NKAIN2: variants seen among roughly 807,000 people sequenced by gnomAD.
NKAIN2 encodes sodium/potassium-transporting ATPase subunit beta-1-interacting protein 2.
A neutral mutation model predicts 32.6 loss-of-function variants in NKAIN2; 14 were observed. That is an observed-to-expected ratio of 0.43 (90% confidence interval 0.28 to 0.67). The LOEUF is 0.67. Among genes scored for constraint, NKAIN2 ranks in the 30% least tolerant of loss-of-function variants. The probability of loss-of-function intolerance (pLI) is 0.17; values close to 1 mark genes in which losing one functional copy is unlikely to be tolerated. For synonymous variants in NKAIN2, 80 were observed against 87.2 expected (o/e 0.92, Z 0.46); for missense variants, 198 against 258.3 (o/e 0.77, Z 1.60).
chr6:123,890,375 C>T (rs561277121), intron 1 of NKAIN2, among the ~76,000 whole-genome samples: 1 of 151,980 alleles, frequency 6.6e-6, no homozygotes, highest in South Asian at 2.1e-4. Context: ...AAAAGGACAT[C>T]TTTCAAGTCC....
chr6:124,459,238 T>C (rs1776437238), intron 3 of NKAIN2, among the ~76,000 whole-genome samples: 1 of 151,874 alleles, frequency 6.6e-6, no homozygotes, highest in South Asian at 2.1e-4. Flanking sequence ...TAAAGTCCTA[T>C]GTTGGCAATT....
intron 3 of NKAIN2, among the ~76,000 whole-genome samples, chr6:124,457,453 G>A (rs1269345793): frequency 2.0e-5 from 3 of 152,030 alleles, no homozygotes; most frequent in South Asian, 2.1e-4. Context: ...GTGAATCTAC[G>A]TGTGTGATAC....
At chr6:124,106,533 A>AT (rs1785129119) in intron 1 of NKAIN2, among the ~76,000 whole-genome samples, 1 of 152,208 alleles carries the variant, frequency 6.6e-6, no homozygotes, top group African/African-American at 2.4e-5. Flanking sequence ...TCTTACTTGG[A>AT]TAAAAACTTA....
At chr6:124,398,368 G>A (rs1773489082) in intron 3 of NKAIN2, among the ~76,000 whole-genome samples, 1 of 151,186 alleles carries the variant, frequency 6.6e-6, no homozygotes, top group African/African-American at 2.4e-5. Context: ...GGGCTGAGAC[G>A]ATGGCAGGAT....
At chr6:124,559,237 A>G (rs1425166668) in intron 3 of NKAIN2, among the ~76,000 whole-genome samples, 2 of 152,202 alleles carry the variant, frequency 1.3e-5, no homozygotes, top group African/African-American at 2.4e-5. Context: ...CTCTGCCTTC[A>G]TGGATAATAT....
At position 124,446,403 on chromosome 6, in the gene NKAIN2, C is replaced by T. The variant is rs372023934; in HGVS notation, c.273+91056C>T. 2.2e-3 allele frequency among the ~76,000 whole-genome samples: 328 copies of T among 152,074 alleles called. 1 individual carries two copies. The highest frequency in any genetic ancestry group is 7.1e-3 in the African/African-American group (296 of 41,464). On this transcript the variant is annotated intron_variant, in intron 3 of 6. Transcript: ENST00000368417. ...TGTTGCCCAGGCTGGAGTGCAGTGA[C>T]GTGATCTCAGCTCACCACAGCCTCG...
intron 3 of NKAIN2, among the ~76,000 whole-genome samples, chr6:124,470,349 A>G (rs1776924174): frequency 6.6e-6 from 1 of 152,122 alleles, no homozygotes. Context: ...GGGTGGTGAC[A>G]TGATCAGCTC....
At chr6:124,287,847 A>C (rs140968180) in intron 2 of NKAIN2, among the ~76,000 whole-genome samples, 1 of 152,298 alleles carries the variant, frequency 6.6e-6, no homozygotes, top group East Asian at 1.9e-4. Context: ...TATCTAAAAT[A>C]ATCTGAGGAA....
intron 2 of NKAIN2, among the ~76,000 whole-genome samples, chr6:124,298,612 C>A (rs1336200839): frequency 2.6e-5 from 4 of 152,002 alleles, no homozygotes; most frequent in Non-Finnish European, 5.9e-5. Context: ...GATGATAATG[C>A]CACACACATT....
chr6:124,575,710 A>G (rs376094307), intron 3 of NKAIN2, among the ~76,000 whole-genome samples: 7 of 152,122 alleles, frequency 4.6e-5, no homozygotes, highest in Non-Finnish European at 7.4e-5. Context: ...TTCCTTGGCT[A>G]TATTTTTTTT....
chr6:124,619,198 A>AG (rs1456770231), intron 3 of NKAIN2, among the ~76,000 whole-genome samples: 1 of 152,162 alleles, frequency 6.6e-6, no homozygotes, highest in Non-Finnish European at 1.5e-5. Context: ...ATGTGATTTC[A>AG]GGGGGAAAAA....
intron 1 of NKAIN2, among the ~76,000 whole-genome samples, chr6:124,216,975 C>T (rs942144682): frequency 8.5e-5 from 13 of 152,048 alleles, no homozygotes; most frequent in Non-Finnish European, 8.8e-5. Flanking sequence ...CTGTATATTA[C>T]ACCATTTGGC....
chr6:124,311,458 C>G (rs762747501), intron 2 of NKAIN2, among the ~76,000 whole-genome samples: 1 of 152,018 alleles, frequency 6.6e-6, no homozygotes, highest in Non-Finnish European at 1.5e-5. Flanking sequence ...TGCTTCTGGG[C>G]CACCCTGAAA....
At chr6:123,887,709 T>C (rs1394364449) in intron 1 of NKAIN2, among the ~76,000 whole-genome samples, 1 of 152,126 alleles carries the variant, frequency 6.6e-6, no homozygotes, top group Non-Finnish European at 1.5e-5. Context: ...ACATCAGAAG[T>C]CCAGAAAATT....
intron 1 of NKAIN2, among the ~76,000 whole-genome samples, chr6:123,907,746 A>G (rs570526946): frequency 2.0e-5 from 3 of 152,128 alleles, no homozygotes; most frequent in Non-Finnish European, 2.9e-5. Flanking sequence ...TTGCTTTGAG[A>G]CATTTTAAAA....
intron 4 of NKAIN2, among the ~76,000 whole-genome samples, chr6:124,713,228 AT>A (rs1775588666): frequency 6.6e-6 from 1 of 152,190 alleles, no homozygotes. Flanking sequence ...ACAAGATTAA[AT>A]TCTTTGTACC....
At chr6:124,380,616 A>G (rs139073220) in intron 3 of NKAIN2, among the ~76,000 whole-genome samples, 84 of 152,306 alleles carry the variant, frequency 5.5e-4, no homozygotes, top group African/African-American at 1.9e-3. Flanking sequence ...AAGAAGTCTC[A>G]TCTGGAAACT....
At chr6:124,180,277 G>A (rs1166516031) in intron 1 of NKAIN2, among the ~76,000 whole-genome samples, 1 of 152,080 alleles carries the variant, frequency 6.6e-6, no homozygotes, top group Non-Finnish European at 1.5e-5. Flanking sequence ...CACATGGCTG[G>A]GAAGACTCAT....
At chr6:124,721,957 C>A (rs1295947539) in intron 4 of NKAIN2, among the ~76,000 whole-genome samples, 3 of 152,044 alleles carry the variant, frequency 2.0e-5, no homozygotes, top group Non-Finnish European at 4.4e-5. Context: ...AATTCTATGC[C>A]CATAAAATAA....
Sources: allele counts gnomAD v4.1 joint callset (sites outside exome capture counted in the v4.1 genomes callset), GRCh38; gene constraint gnomAD v4.1.1; transcripts MANE v1.5; gene names NCBI Gene and HGNC (gene_info 2026-07-23, HGNC 2026-07-21).